Variants in CADPS2 observed in about 807,000 individuals in gnomAD.
CADPS2 encodes the protein calcium dependent secretion activator 2, also known as calcium-dependent secretion activator 2.
CADPS2 carries 93 observed loss-of-function variants against 172.5 expected under a neutral mutation model. The observed-to-expected ratio is 0.54, with a 90% CI of 0.46 to 0.64. The LOEUF (loss-of-function observed/expected upper bound fraction) is 0.64. Ranked by LOEUF, CADPS2 falls within the 30% of genes least tolerant of loss-of-function variation. The pLI, the probability that CADPS2 is intolerant of heterozygous loss-of-function variation, is 0.00. For synonymous variants in CADPS2, 546 were observed against 555.2 expected (o/e 0.98, Z 0.23); for missense variants, 1,420 against 1,565.9 (o/e 0.91, Z 1.57).
chr7:122,380,293 A>G (rs1450138502), intron 24 of CADPS2, among the ~76,000 whole-genome samples: 1 of 152,118 alleles, frequency 6.6e-6, no homozygotes, highest in Non-Finnish European at 1.5e-5. Context: ...ATTGTCCCCA[A>G]TAGCCACTTC....
chr7:122,604,367 C>A (rs940951317), intron 6 of CADPS2, among the ~76,000 whole-genome samples: 3 of 152,048 alleles, frequency 2.0e-5, no homozygotes, highest in Non-Finnish European at 2.9e-5. Context: ...GTGCTTGTGT[C>A]CCAACAGAAG....
At chr7:122,515,399 T>G (rs1447376379) in intron 8 of CADPS2, among the ~76,000 whole-genome samples, 2 of 152,202 alleles carry the variant, frequency 1.3e-5, no homozygotes, top group South Asian at 2.1e-4. Context: ...TGTCTTTCTC[T>G]GCAATTTCCT....
chr7:122,847,113 G>A (rs1812199595), intron 1 of CADPS2, among the ~76,000 whole-genome samples: 1 of 151,732 alleles, frequency 6.6e-6, no homozygotes, highest in East Asian at 1.9e-4. Context: ...TTGAAATGGA[G>A]TCTTGCTGTG....
chr7:122,841,852 G>A (rs896930394), intron 1 of CADPS2, among the ~76,000 whole-genome samples: 2 of 152,166 alleles, frequency 1.3e-5, no homozygotes, highest in African/African-American at 4.8e-5. Context: ...CCTATTAGAG[G>A]TAGTATCCAG....
chr7:122,682,264 G>T (rs1293109309), intron 2 of CADPS2, among the ~76,000 whole-genome samples: 1 of 152,142 alleles, frequency 6.6e-6, no homozygotes, highest in Non-Finnish European at 1.5e-5. Flanking sequence ...GTTCATCATG[G>T]AAAAGGGAGC....
chr7:122,541,559 G>A (rs1297131965), intron 8 of CADPS2, among the ~76,000 whole-genome samples: 2 of 142,048 alleles, frequency 1.4e-5, no homozygotes, highest in South Asian at 2.2e-4. Context: ...TTTCTGTAAT[G>A]AATATACATA....
intron 2 of CADPS2, among the ~76,000 whole-genome samples, chr7:122,699,521 A>G (rs1221532823): frequency 6.6e-6 from 1 of 152,218 alleles, no homozygotes; most frequent in Admixed American, 6.6e-5. Flanking sequence ...TTATTTTTAC[A>G]TCAAAAAGTA....
intron 7 of CADPS2, among the ~76,000 whole-genome samples, chr7:122,563,055 G>A (rs994031740): frequency 2.0e-5 from 3 of 152,050 alleles, no homozygotes; most frequent in Non-Finnish European, 2.9e-5. Context: ...AAGTTTGTCA[G>A]TCACTGTATT....
intron 2 of CADPS2, among the ~76,000 whole-genome samples, chr7:122,704,363 T>C (rs78832865): frequency 5.3e-5 from 8 of 152,032 alleles, no homozygotes; most frequent in Admixed American, 6.6e-5. Flanking sequence ...TTTTTTTTTT[T>C]CATGTTCAAA....
At chr7:122,478,569 T>C (rs1427188961) in intron 12 of CADPS2, among the ~76,000 whole-genome samples, 2 of 152,212 alleles carry the variant, frequency 1.3e-5, no homozygotes, top group Non-Finnish European at 2.9e-5. Context: ...TTATAGAGGC[T>C]TTATGTAAGT....
chr7:122,633,181 T>G (rs894081428), intron 3 of CADPS2, among the ~76,000 whole-genome samples: 2 of 152,158 alleles, frequency 1.3e-5, no homozygotes, highest in African/African-American at 4.8e-5. Flanking sequence ...CTATTTGGGC[T>G]TTTAGGTTCC....
chr7:122,524,662 T>C (rs1305909160), intron 8 of CADPS2, among the ~76,000 whole-genome samples: 3 of 152,304 alleles, frequency 2.0e-5, no homozygotes, highest in African/African-American at 4.8e-5. Flanking sequence ...ATATTTTCCA[T>C]AGAATATCTG....
intron 20 of CADPS2, among the ~76,000 whole-genome samples, chr7:122,406,333 C>G (rs1195240301): frequency 1.3e-5 from 2 of 152,136 alleles, no homozygotes; most frequent in African/African-American, 4.8e-5. Context: ...CAGTGGCCTT[C>G]TGGGATGAGA....
At chr7:122,447,566 T>C (rs1177457071) in intron 15 of CADPS2, among the ~76,000 whole-genome samples, 2 of 129,148 alleles carry the variant, frequency 1.5e-5, no homozygotes, top group Non-Finnish European at 3.1e-5. Flanking sequence ...TTTTTTTTTT[T>C]TTTTTGAGAC....
intron 3 of CADPS2, among the ~76,000 whole-genome samples, chr7:122,634,996 G>T (rs2076926147): frequency 6.6e-6 from 1 of 151,970 alleles, no homozygotes; most frequent in Non-Finnish European, 1.5e-5. Flanking sequence ...TACTTTTATT[G>T]CCCTGTCGTC....
At chr7:122,868,779 A>G (rs1213591944) in intron 1 of CADPS2, among the ~76,000 whole-genome samples, 1 of 152,228 alleles carries the variant, frequency 6.6e-6, no homozygotes, top group Admixed American at 6.5e-5. Context: ...ATTCAAAAGG[A>G]CAGTAATAAA....
chr7:122,564,730 G>A (rs886666799), intron 7 of CADPS2, among the ~76,000 whole-genome samples: 30 of 151,986 alleles, frequency 2.0e-4, no homozygotes, highest in Non-Finnish European at 2.9e-5. Context: ...TTATCACAGC[G>A]TTAGTCACAA....
At chr7:122,371,956 A>G (rs2041822038) in intron 25 of CADPS2, among the ~76,000 whole-genome samples, 1 of 151,588 alleles carries the variant, frequency 6.6e-6, no homozygotes, top group Admixed American at 6.6e-5. Flanking sequence ...GCAACTGGAA[A>G]TACGGGATTT....
intron 8 of CADPS2, among the ~76,000 whole-genome samples, chr7:122,527,612 G>T (rs2061355495): frequency 7.9e-6 from 1 of 126,282 alleles, no homozygotes; most frequent in African/African-American, 3.3e-5. Flanking sequence ...GAGAGAGAGA[G>T]AGAGAGTGTG....
Sources: gnomAD v4.1 joint callset for allele counts (sites outside exome capture counted in the v4.1 genomes callset) on GRCh38, gnomAD v4.1.1 for gene constraint, MANE v1.5 for transcripts, NCBI Gene and HGNC (gene_info 2026-07-23, HGNC 2026-07-21) for gene names.